Variants in UVRAG observed in about 807,000 individuals in gnomAD.
The protein encoded by UVRAG is UV radiation resistance-associated gene protein.
UVRAG carries 19 observed loss-of-function variants against 78.0 expected under a neutral mutation model. The ratio of observed to expected loss-of-function variants is 0.24; its 90% CI spans 0.17 to 0.36. UVRAG has a LOEUF of 0.36. Among genes scored for constraint, UVRAG ranks in the 10% least tolerant of loss-of-function variants. The pLI is 1.00. For missense variants in UVRAG, 740 were observed against 853.8 expected (o/e 0.87, Z 1.66); for synonymous variants, 323 against 324.6 (o/e 1.00, Z 0.05).
intron 4 of UVRAG, among the ~76,000 whole-genome samples, chr11:75,880,955 T>A (rs1249214020): frequency 2.3e-4 from 30 of 133,308 alleles, no homozygotes; most frequent in Non-Finnish European, 3.4e-4. Flanking sequence ...TTTTTTTTTT[T>A]AAATTAAAGA....
chr11:76,004,232 CATTA>C, intron 9 of UVRAG, 143 bp downstream of exon 9: 1 of 743,466 alleles, frequency 1.3e-6, no homozygotes, highest in Non-Finnish European at 2.2e-6. Flanking sequence ...AACACATATT[CATTA>C]ATTAAGCACC....
chr11:75,939,774 T>A (rs566025607), intron 6 of UVRAG, among the ~76,000 whole-genome samples: 1 of 152,232 alleles, frequency 6.6e-6, no homozygotes, highest in East Asian at 1.9e-4. Context: ...GGTGTCTTAT[T>A]TTTTGGAACA....
chr11:75,993,907 G>T (rs1382253347), intron 8 of UVRAG, among the ~76,000 whole-genome samples: 2 of 152,102 alleles, frequency 1.3e-5, no homozygotes, highest in Admixed American at 1.3e-4. Flanking sequence ...AAGTGGAAGT[G>T]AGGGGGGTGG....
chr11:75,918,063 G>A (rs1028011585), intron 6 of UVRAG, among the ~76,000 whole-genome samples: 4 of 152,054 alleles, frequency 2.6e-5, no homozygotes, highest in Non-Finnish European at 5.9e-5. Context: ...TGCTGCTGGA[G>A]TGATCTTTTA....
intron 8 of UVRAG, among the ~76,000 whole-genome samples, chr11:75,987,241 C>G (rs1238422538): frequency 1.3e-5 from 2 of 152,168 alleles, no homozygotes; most frequent in Admixed American, 6.5e-5. Context: ...TTCCAATCTC[C>G]CCATTTTCTC....
intron 12 of UVRAG, among the ~76,000 whole-genome samples, chr11:76,039,012 A>G (rs1222009066): frequency 6.6e-6 from 1 of 152,240 alleles, no homozygotes; most frequent in Admixed American, 6.5e-5. Flanking sequence ...CTGTGCCTAG[A>G]GTTCTGACCT....
At chr11:76,048,642 T>G (rs2134345634) in intron 12 of UVRAG, among the ~76,000 whole-genome samples, 1 of 152,352 alleles carries the variant, frequency 6.6e-6, no homozygotes, top group South Asian at 2.1e-4. Context: ...AGGTGATTCC[T>G]TTTGCAATTT....
At chr11:76,130,997 A>G (rs929435457) in intron 14 of UVRAG, among the ~76,000 whole-genome samples, 2 of 151,280 alleles carry the variant, frequency 1.3e-5, no homozygotes, top group African/African-American at 2.4e-5. Flanking sequence ...CCAAGTATCA[A>G]GTGTTGTCCA....
chr11:76,088,036 G>C (rs989237612), intron 13 of UVRAG, among the ~76,000 whole-genome samples: 2 of 152,212 alleles, frequency 1.3e-5, no homozygotes, highest in Non-Finnish European at 2.9e-5. Context: ...CGAGTAGCCA[G>C]GACTACAGGC....
intron 6 of UVRAG, among the ~76,000 whole-genome samples, chr11:75,923,419 G>T (rs1478427039): frequency 6.6e-6 from 1 of 152,094 alleles, no homozygotes; most frequent in Non-Finnish European, 1.5e-5. Context: ...TGAATGAATT[G>T]TGAAGCTTTC....
chr11:75,970,508 G>A (rs549495665), intron 7 of UVRAG, among the ~76,000 whole-genome samples: 2 of 152,166 alleles, frequency 1.3e-5, no homozygotes, highest in East Asian at 1.9e-4. Flanking sequence ...CGAGGCAGGC[G>A]GATCATGAGG....
chr11:76,011,361 C>T (rs117549665), intron 11 of UVRAG, among the ~76,000 whole-genome samples: 2 of 152,174 alleles, frequency 1.3e-5, no homozygotes, highest in African/African-American at 2.4e-5. Flanking sequence ...CGGTGGCTCA[C>T]GCCTGTAATT....
At chr11:75,916,078 A>T (rs527804196) in intron 6 of UVRAG, 1 of 152,304 alleles carries the variant, frequency 6.6e-6, no homozygotes, top group South Asian at 2.1e-4. Flanking sequence ...GAAAAGTAAT[A>T]ATTCTGGTTT....
chr11:75,900,350 T>G (rs2134983552), intron 5 of UVRAG, among the ~76,000 whole-genome samples: 1 of 152,332 alleles, frequency 6.6e-6, no homozygotes, highest in Non-Finnish European at 1.5e-5. Context: ...TTTCAACTGT[T>G]GTACAAAGCT....
chr11:75,911,725 C>T (rs887202308), intron 5 of UVRAG: 3 of 379,624 alleles, frequency 7.9e-6, no homozygotes, highest in Non-Finnish European at 1.4e-5. Flanking sequence ...TGGGCGCGCT[C>T]CTTCTCCACT....
chr11:75,939,838 A>G (rs1203127638), intron 6 of UVRAG, among the ~76,000 whole-genome samples: 1 of 152,186 alleles, frequency 6.6e-6, no homozygotes, highest in African/African-American at 2.4e-5. Flanking sequence ...CTTTGGAGAC[A>G]CTGTGGTAAT....
intron 14 of UVRAG, among the ~76,000 whole-genome samples, chr11:76,121,493 G>A (rs1264684763): frequency 1.3e-5 from 2 of 152,202 alleles, no homozygotes; most frequent in Non-Finnish European, 2.9e-5. Flanking sequence ...ACATGCACAG[G>A]CACCACTGAT....
chr11:76,086,348 G>C (rs1023728930), intron 13 of UVRAG, among the ~76,000 whole-genome samples: 1 of 152,122 alleles, frequency 6.6e-6, no homozygotes, highest in Non-Finnish European at 1.5e-5. Flanking sequence ...CTTCTTGCAT[G>C]GAATAACCTT....
At chr11:76,123,336 T>C (rs938675628) in intron 14 of UVRAG, among the ~76,000 whole-genome samples, 18 of 152,172 alleles carry the variant, frequency 1.2e-4, no homozygotes, top group Non-Finnish European at 2.4e-4. Flanking sequence ...TAATAAAACT[T>C]TGGGAAGAAT....
Sources: gnomAD v4.1 joint callset for allele counts (sites outside exome capture counted in the v4.1 genomes callset) on GRCh38, gnomAD v4.1.1 for gene constraint, MANE v1.5 for transcripts, NCBI Gene and HGNC (gene_info 2026-07-23, HGNC 2026-07-21) for gene names.